Variants in LHCGR observed in about 807,000 individuals in gnomAD.
The protein encoded by LHCGR is luteinizing hormone/choriogonadotropin receptor.
LHCGR carries 55 observed loss-of-function variants against 60.7 expected under a neutral mutation model. The observed-to-expected ratio is 0.91, with a 90% CI of 0.73 to 1.13. The LOEUF (loss-of-function observed/expected upper bound fraction) is 1.13, where lower values mean the gene tolerates loss of function less well. Among genes scored for constraint, LHCGR ranks in the 50% most tolerant of loss-of-function variants. The pLI, the probability that LHCGR is intolerant of heterozygous loss-of-function variation, is 0.00. For synonymous variants in LHCGR, 337 were observed against 316.5 expected (o/e 1.06, Z -0.69); for missense variants, 862 against 836.0 (o/e 1.03, Z -0.38).
chr2:48,701,295 T>TA (rs1019453244), intron 8 of LHCGR, among the ~76,000 whole-genome samples: 1 of 151,940 alleles, frequency 6.6e-6, no homozygotes, highest in African/African-American at 2.4e-5. Context: ...CCCATCTCAT[T>TA]AAAAAAAGAC....
intron 2 of LHCGR, among the ~76,000 whole-genome samples, chr2:48,730,556 A>T (rs778004627): frequency 3.9e-5 from 6 of 152,332 alleles, no homozygotes; most frequent in Non-Finnish European, 8.8e-5. Flanking sequence ...AAGATTGGAG[A>T]TGCACTGTGA....
chr2:48,734,802 T>C (rs753805630), intron 1 of LHCGR, among the ~76,000 whole-genome samples: 10 of 152,054 alleles, frequency 6.6e-5, no homozygotes, highest in Admixed American at 6.5e-4. Flanking sequence ...GCAAAGAAAA[T>C]AAAGGAAGGA....
At chr2:48,742,978 C>A (rs1486699939) in intron 1 of LHCGR, among the ~76,000 whole-genome samples, 1 of 152,030 alleles carries the variant, frequency 6.6e-6, no homozygotes, top group Non-Finnish European at 1.5e-5. Context: ...AGAGAAGAAT[C>A]CAATAGATGC....
chr2:48,742,420 A>T (rs1324909907), intron 1 of LHCGR, among the ~76,000 whole-genome samples: 1 of 150,782 alleles, frequency 6.6e-6, no homozygotes, highest in Non-Finnish European at 1.5e-5. Flanking sequence ...CACCTATTCC[A>T]AAATTGACCA....
intron 1 of LHCGR, among the ~76,000 whole-genome samples, chr2:48,740,532 C>G (rs945404957): frequency 6.6e-6 from 1 of 152,132 alleles, no homozygotes; most frequent in African/African-American, 2.4e-5. Flanking sequence ...GGGTCCCTGA[C>G]CCCTGACCCC....
At chr2:48,703,608 T>C (rs1667514829) in intron 8 of LHCGR, among the ~76,000 whole-genome samples, 1 of 152,204 alleles carries the variant, frequency 6.6e-6, no homozygotes, top group African/African-American at 2.4e-5. Context: ...TTCATATCCT[T>C]TGTAAGCTGG....
At chr2:48,733,140 A>G in intron 1 of LHCGR, 1 of 354,834 alleles carries the variant, frequency 2.8e-6, no homozygotes, top group Non-Finnish European at 5.6e-6. Flanking sequence ...AATAAAACTG[A>G]CAGCCAAATT....
chr2:48,694,193 C>T (rs1354762185), intron 10 of LHCGR, 31 bp downstream of exon 10: 6 of 1,262,844 alleles, frequency 4.8e-6, no homozygotes, highest in Non-Finnish European at 6.9e-6. Flanking sequence ...CAAGATACGA[C>T]TTCTGAGTTT....
At chr2:48,702,758 T>G (rs1358165227) in intron 8 of LHCGR, among the ~76,000 whole-genome samples, 1 of 152,040 alleles carries the variant, frequency 6.6e-6, no homozygotes, top group East Asian at 1.9e-4. Context: ...CATGATCCTT[T>G]AATAGTACAA....
chr2:48,747,271 T>C (rs916887895), intron 1 of LHCGR, among the ~76,000 whole-genome samples: 5 of 152,006 alleles, frequency 3.3e-5, no homozygotes, highest in African/African-American at 1.2e-4. Flanking sequence ...TGGTATTTTT[T>C]AGTAGAGACA....
intron 8 of LHCGR, among the ~76,000 whole-genome samples, chr2:48,706,496 T>C (rs1370473706): frequency 6.6e-6 from 1 of 152,216 alleles, no homozygotes; most frequent in African/African-American, 2.4e-5. Context: ...TCTAACTTGG[T>C]TCCATTCTCC....
chr2:48,733,029 T>C, intron 1 of LHCGR: 1 of 522,766 alleles, frequency 1.9e-6, no homozygotes, highest in Non-Finnish European at 3.9e-6. Context: ...CATGTTCGCT[T>C]GGCTTCCTGA....
intron 1 of LHCGR, among the ~76,000 whole-genome samples, chr2:48,742,368 C>A (rs1476095055): frequency 6.6e-6 from 1 of 151,558 alleles, no homozygotes; most frequent in Admixed American, 6.6e-5. Flanking sequence ...GAACTCTCCA[C>A]CCCAAATCAA....
At chr2:48,745,019 T>A (rs1401668894) in intron 1 of LHCGR, among the ~76,000 whole-genome samples, 1 of 151,160 alleles carries the variant, frequency 6.6e-6, no homozygotes, top group East Asian at 1.9e-4. Flanking sequence ...AACAACCCCA[T>A]CAAAAAGTGG....
At chr2:48,744,404 A>G (rs1669605779) in intron 1 of LHCGR, among the ~76,000 whole-genome samples, 1 of 56,506 alleles carries the variant, frequency 1.8e-5, no homozygotes. Context: ...CTAAGCCAAA[A>G]GAACAAAGCT....
chr2:48,745,712 G>C (rs867659902), intron 1 of LHCGR, among the ~76,000 whole-genome samples: 1 of 111,982 alleles, frequency 8.9e-6, no homozygotes, highest in Non-Finnish European at 1.8e-5. Context: ...GGGGGGAGGG[G>C]GGAGGGATAG....
chr2:48,724,603 T>C (rs1296077526), intron 4 of LHCGR, among the ~76,000 whole-genome samples: 1 of 152,136 alleles, frequency 6.6e-6, no homozygotes, highest in African/African-American at 2.4e-5. Flanking sequence ...TGGGTGAATA[T>C]CACAGTTTTG....
At chr2:48,740,628 G>A (rs1049866372) in intron 1 of LHCGR, among the ~76,000 whole-genome samples, 1 of 151,530 alleles carries the variant, frequency 6.6e-6, no homozygotes, top group Non-Finnish European at 1.5e-5. Context: ...TGCAGCTGAG[G>A]GTCCTGTCTG....
intron 5 of LHCGR, 35 bp downstream of exon 5, chr2:48,723,587 A>G (rs771143362): frequency 3.7e-6 from 6 of 1,604,674 alleles, no homozygotes; most frequent in South Asian, 3.3e-5. Flanking sequence ...TGCAAATAGG[A>G]AACTGTTATG....
Sources: allele counts gnomAD v4.1 joint callset (sites outside exome capture counted in the v4.1 genomes callset), GRCh38; gene constraint gnomAD v4.1.1; transcripts MANE v1.5; gene names NCBI Gene and HGNC (gene_info 2026-07-23, HGNC 2026-07-21).